The following PIK3R3 variants were observed in gnomAD, a reference collection of about 807,000 sequenced individuals.
PIK3R3 encodes phosphoinositide-3-kinase regulatory subunit 3.
PIK3R3 carries 64 observed loss-of-function variants against 62.9 expected under a neutral mutation model. That is an observed-to-expected ratio of 1.02 (90% CI 0.83 to 1.25). The LOEUF is 1.25. PIK3R3 is among the 50% of genes most tolerant of loss of function. The pLI is 0.00. For synonymous variants in PIK3R3, 165 were observed against 189.0 expected, an observed-to-expected ratio of 0.87 and a Z score of 1.04; for missense variants, 614 against 561.6, an observed-to-expected ratio of 1.09 and a Z score of -0.94.
the PIK3R3 span, among the ~76,000 whole-genome samples, chr1:46,145,376 A>G: frequency 6.6e-6 from 1 of 152,112 alleles, no homozygotes; most frequent in African/African-American, 2.4e-5. Flanking sequence ...CTTTTTAAAA[A>G]AAAAAAAAAG....
At chr1:46,090,799 AG>A (rs768381370) in intron 1 of PIK3R3, among the ~76,000 whole-genome samples, 1 of 152,198 alleles carries the variant, frequency 6.6e-6, no homozygotes, top group East Asian at 1.9e-4. Flanking sequence ...TGTGCTACTG[AG>A]GATTTCTTTC....
intron 3 of PIK3R3, among the ~76,000 whole-genome samples, chr1:46,073,486 GT>G (rs1649735697): frequency 6.6e-6 from 1 of 152,164 alleles, no homozygotes; most frequent in South Asian, 2.1e-4. Context: ...CAAATCCACT[GT>G]AGCAACCCAG....
At chr1:46,111,587 G>A (rs751889793) in intron 1 of PIK3R3, among the ~76,000 whole-genome samples, 2 of 152,076 alleles carry the variant, frequency 1.3e-5, no homozygotes, top group African/African-American at 2.4e-5. Flanking sequence ...TTAGCCGCGT[G>A]TAGCTGTGTG....
chr1:46,152,747 T>G, the PIK3R3 span, among the ~76,000 whole-genome samples: 5 of 152,074 alleles, frequency 3.3e-5, no homozygotes, highest in African/African-American at 1.2e-4. Flanking sequence ...GGATTTTTAG[T>G]GGAGATGGGG....
At chr1:46,048,946 T>A (rs989878238) in intron 7 of PIK3R3, among the ~76,000 whole-genome samples, 2 of 152,206 alleles carry the variant, frequency 1.3e-5, no homozygotes, top group Non-Finnish European at 2.9e-5. Context: ...TTAATTCACA[T>A]TTAATGTTAT....
intron 1 of PIK3R3, among the ~76,000 whole-genome samples, chr1:46,128,590 C>T (rs1235521520): frequency 6.6e-6 from 1 of 152,190 alleles, no homozygotes; most frequent in Non-Finnish European, 1.5e-5. Flanking sequence ...AGTAGAAAGG[C>T]ACCTAAAGAC....
the PIK3R3 span, among the ~76,000 whole-genome samples, chr1:46,149,703 G>GTAC: frequency 6.6e-6 from 1 of 151,894 alleles, no homozygotes; most frequent in Non-Finnish European, 1.5e-5. Flanking sequence ...GCTATTTTTT[G>GTAC]TACTTTTAGC....
At chr1:46,149,706 C>T in the PIK3R3 span, among the ~76,000 whole-genome samples, 1 of 151,920 alleles carries the variant, frequency 6.6e-6, no homozygotes, top group Non-Finnish European at 1.5e-5. Context: ...ATTTTTTGTA[C>T]TTTTAGCAGA....
At chr1:46,110,368 C>G (rs1432605215) in intron 1 of PIK3R3, among the ~76,000 whole-genome samples, 1 of 150,804 alleles carries the variant, frequency 6.6e-6, no homozygotes, top group African/African-American at 2.4e-5. Context: ...GTTATGCACC[C>G]ACCTTTGCCT....
the PIK3R3 span, among the ~76,000 whole-genome samples, chr1:46,146,557 CA>C: frequency 1.3e-5 from 2 of 152,056 alleles, no homozygotes; most frequent in African/African-American, 4.8e-5. Flanking sequence ...GCTAGGCAGC[CA>C]AAAATGTCAA....
rs1416294619 is a variant in PIK3R3 at position 46,041,893 on chromosome 1, A to C, written c.*1780T>G. The C allele has an allele frequency of 9.3e-6, 2 of 215,240 alleles. No homozygotes were observed. Among genetic ancestry groups the C allele is most frequent in the African/African-American group, 4.5e-5 (2 of 44,290 alleles). The allele number at this position is 215,240 out of a possible 1,614,324, so 13.3% of individuals were successfully genotyped here. ...GTAACTGGAGGTTTTTCCAAAATTA[A>C]AAATCTGTGTCTACATCATGGTCCA... On this transcript the variant is annotated 3_prime_UTR_variant, in exon 10 of 10. Transcript: ENST00000262741.
intron 1 of PIK3R3, among the ~76,000 whole-genome samples, chr1:46,111,260 A>G (rs556846703): frequency 3.3e-5 from 5 of 152,256 alleles, no homozygotes; most frequent in African/African-American, 1.2e-4. Context: ...TCCATTTTAT[A>G]TGACAACCAT....
chr1:46,053,155 C>T (rs1647525856), intron 7 of PIK3R3, among the ~76,000 whole-genome samples: 1 of 152,002 alleles, frequency 6.6e-6, no homozygotes, highest in African/African-American at 2.4e-5. Flanking sequence ...GAGGTAATGG[C>T]TGTCTGTGTC....
intron 1 of PIK3R3, among the ~76,000 whole-genome samples, chr1:46,099,452 C>T (rs1652453705): frequency 6.6e-6 from 1 of 152,114 alleles, no homozygotes; most frequent in African/African-American, 2.4e-5. Context: ...CTCCCAAATT[C>T]CCTTATTTTT....
intron 6 of PIK3R3, among the ~76,000 whole-genome samples, chr1:46,059,425 A>G (rs1186163697): frequency 1.3e-5 from 2 of 152,240 alleles, no homozygotes; most frequent in African/African-American, 4.8e-5. Flanking sequence ...GATGACAGCT[A>G]TAAGCTTTTC....
the PIK3R3 span, among the ~76,000 whole-genome samples, chr1:46,169,159 G>A: frequency 6.6e-6 from 1 of 152,160 alleles, no homozygotes; most frequent in East Asian, 1.9e-4. Context: ...GAAGCCTCAT[G>A]GAGTAATGCT....
chr1:46,112,096 T>C (rs576527273), intron 1 of PIK3R3, among the ~76,000 whole-genome samples: 4 of 152,330 alleles, frequency 2.6e-5, no homozygotes, highest in Admixed American at 6.5e-5. Flanking sequence ...TGATATGCCA[T>C]GGAAAGAGAA....
chr1:46,136,537 T>C (rs995958976), upstream of PIK3R3, among the ~76,000 whole-genome samples: 1 of 152,194 alleles, frequency 6.6e-6, no homozygotes, highest in African/African-American at 2.4e-5. Flanking sequence ...TGAATACCCA[T>C]GATAGAGTTA....
intron 7 of PIK3R3, among the ~76,000 whole-genome samples, chr1:46,052,137 C>CA (rs200704156): frequency 6.2e-5 from 9 of 146,018 alleles, no homozygotes; most frequent in Admixed American, 1.4e-4. Context: ...GACTCCATCT[C>CA]AAAAAAAAAA....
Sources: allele counts gnomAD v4.1 joint callset (sites outside exome capture counted in the v4.1 genomes callset), GRCh38; gene constraint gnomAD v4.1.1; transcripts MANE v1.5; gene names NCBI Gene and HGNC (gene_info 2026-07-23, HGNC 2026-07-21).